FAM124B: variants seen among roughly 807,000 people sequenced by gnomAD.
FAM124B encodes the protein family with sequence similarity 124 member B.
A neutral mutation model predicts 19.7 loss-of-function variants in FAM124B; 18 were observed. The ratio of observed to expected loss-of-function variants is 0.92; its 90% CI spans 0.63 to 1.36. The LOEUF (loss-of-function observed/expected upper bound fraction) is 1.36, where lower values mean the gene tolerates loss of function less well. Among genes scored for constraint, FAM124B ranks in the 40% most tolerant of loss-of-function variants. The pLI, the probability that FAM124B is intolerant of heterozygous loss-of-function variation, is 0.00. For missense variants in FAM124B, 540 were observed against 553.3 expected (o/e 0.98, Z 0.24); for synonymous variants, 223 against 225.2 (o/e 0.99, Z 0.09).
At chr2:224,397,754 C>T (rs1689996861) in intron 1 of FAM124B, among the ~76,000 whole-genome samples, 1 of 152,172 alleles carries the variant, frequency 6.6e-6, no homozygotes, top group African/African-American at 2.4e-5. Context: ...TGCCCCTGCC[C>T]TAGAGATTTG....
At chr2:224,400,933 G>T in intron 1 of FAM124B, 104 bp downstream of exon 1, 2 of 1,410,476 alleles carry the variant, frequency 1.4e-6, no homozygotes, top group African/African-American at 1.4e-5. Flanking sequence ...CCTAAGGGAC[G>T]CTAATATGCA....
At chr2:224,390,699 T>TTG (rs1430582521) in intron 1 of FAM124B, among the ~76,000 whole-genome samples, 1 of 126,170 alleles carries the variant, frequency 7.9e-6, no homozygotes, top group Non-Finnish European at 1.7e-5. Flanking sequence ...CAAACTTTTT[T>TTG]TTTTGTTTGT....
chr2:224,398,850 C>T (rs1314889607), intron 1 of FAM124B, among the ~76,000 whole-genome samples: 2 of 152,154 alleles, frequency 1.3e-5, no homozygotes, highest in African/African-American at 2.4e-5. Context: ...TTGGCAGGCA[C>T]CTGTAGTCTC....
intron 1 of FAM124B, among the ~76,000 whole-genome samples, chr2:224,387,971 T>C (rs569250771): frequency 4.8e-4 from 73 of 152,342 alleles, no homozygotes; most frequent in Middle Eastern, 3.4e-3. Flanking sequence ...TGCTTGCTTA[T>C]GCCAAACCAG....
intron 1 of FAM124B, among the ~76,000 whole-genome samples, chr2:224,395,002 A>G (rs1193612677): frequency 6.6e-6 from 1 of 152,244 alleles, no homozygotes; most frequent in Non-Finnish European, 1.5e-5. Context: ...CCACAGGGCC[A>G]TGAAATATAG....
chr2:224,401,095 G>C lies in FAM124B; in HGVS notation c.674C>G (p.Pro225Arg). Residue 225 changes from proline to arginine, a missense_variant, in exon 1 of 2, where the codon CCT (proline) becomes CGT (arginine). By Grantham distance (103) the Pro-to-Arg change is moderately radical. Coordinates refer to ENST00000409685, the MANE Select transcript of FAM124B (RefSeq NM_001122779.2). ...AGTCTGCCACCTGGTGCTGCTGATA[G>C]GCATGCATGGATTGGGTAGCAGAGG... ...LVPLLPNPCM[P>R]ISSTRWQTQD... 6.2e-7 allele frequency: 1 copy of C among 1,613,972 alleles called. No individual in the cohort carries two copies. The highest frequency in any genetic ancestry group is 1.1e-5 in the South Asian group (1 of 91,058).
Position 224,401,043 on chromosome 2 carries a change from C to A in FAM124B, c.726G>T (p.Leu242=), listed in dbSNP as rs758625841. 3.2e-5 allele frequency: 51 copies of A among 1,592,788 alleles called. No individual in the cohort carries two copies. The highest frequency in any genetic ancestry group is 4.3e-5 in the Non-Finnish European group (50 of 1,168,026). ...QTQDYDGNKI[L]LQVQLNPELG... Reference sequence around the variant, plus strand: ...TGAGACAAAACAGAAATACCTGAAGCAGAATCTTGTTGCCATCGTAGTCCT... The same window carrying A: ...TGAGACAAAACAGAAATACCTGAAGAAGAATCTTGTTGCCATCGTAGTCCT... The change falls in exon 1 of 2, where the codon CTG becomes CTT. Residue 242 remains leucine (L), a synonymous_variant. Coordinates refer to ENST00000409685, the MANE Select transcript of FAM124B (RefSeq NM_001122779.2).
Position 224,401,409 on chromosome 2 carries a change from G to A in FAM124B, c.360C>T (p.Asp120=). 6.2e-7 allele frequency: 1 copy of A among 1,614,128 alleles called. No homozygotes were observed. The change falls in exon 1 of 2, where the codon GAC becomes GAT. Residue 120 remains aspartate, a synonymous_variant. Coordinates refer to ENST00000409685, the MANE Select transcript of FAM124B (RefSeq NM_001122779.2). ...FFANQEFYSL[D]SQLPIWGVRQ... is the part of the protein sequence containing the mutation. ...TCACCCCCCAGATGGGCAGCTGACT[G>A]TCCAGGCTGTAGAACTCCTGATTGG...
intron 1 of FAM124B, among the ~76,000 whole-genome samples, chr2:224,386,390 G>C (rs568522419): frequency 6.6e-6 from 1 of 152,232 alleles, no homozygotes; most frequent in African/African-American, 2.4e-5. Flanking sequence ...TCTGATTTAG[G>C]TGTCACTAAA....
intron 1 of FAM124B, among the ~76,000 whole-genome samples, chr2:224,394,840 G>T (rs549141161): frequency 6.6e-6 from 1 of 152,192 alleles, no homozygotes; most frequent in African/African-American, 2.4e-5. Context: ...ACACAAGGTG[G>T]GTGGCTGCAG....
At chr2:224,383,535 T>G (rs1689757480) in intron 1 of FAM124B, among the ~76,000 whole-genome samples, 1 of 152,118 alleles carries the variant, frequency 6.6e-6, no homozygotes, top group African/African-American at 2.4e-5. Context: ...TAAAAAAGTC[T>G]TACTATAAAA....
At position 224,401,997 on chromosome 2, in the gene FAM124B, C is replaced by T. The variant is rs1690084262; in HGVS notation, c.-229G>A. ...TCGGGTTCAGCAGCCTCCCTCTCCA[C>T]ACAGCAGCAGCGGGGTCACGTCATC... On this transcript the variant is annotated 5_prime_UTR_variant, in exon 1 of 2. In the 5' UTR this introduces an upstream ATG that the reference lacks. Coordinates refer to ENST00000409685, the MANE Select transcript of FAM124B (RefSeq NM_001122779.2). 1.9e-6 allele frequency: 1 copy of T among 537,250 alleles called. No individual in the cohort carries two copies. The highest frequency in any genetic ancestry group is 3.1e-5 in the Admixed American group (1 of 32,094). 33.3% of individuals were successfully genotyped at this position (537,250 alleles called of 1,614,324 possible). A position where few individuals can be genotyped will look rare whatever the true frequency, so the allele number is the denominator to read the frequency against.
At chr2:224,388,001 T>C (rs2106081024) in intron 1 of FAM124B, among the ~76,000 whole-genome samples, 1 of 152,360 alleles carries the variant, frequency 6.6e-6, no homozygotes, top group Non-Finnish European at 1.5e-5. Flanking sequence ...ATACCTTCTT[T>C]AAGAGATAAT....
chr2:224,379,565 A>C lies in FAM124B; in HGVS notation c.*8T>G. The stretch of plus-strand genomic sequence containing the variant: ...TCTTGTGTTTTAGAAAACCACATTT[A>C]TTTTATGCTATATAAAGAATTCTTC... On this transcript the variant is annotated 3_prime_UTR_variant, in exon 2 of 2. Transcript: ENST00000409685. 6.6e-7 allele frequency: 1 copy of C among 1,517,566 alleles called. No homozygotes were observed. The allele number at this position is 1,517,566 out of a possible 1,614,324, so 94.0% of individuals were successfully genotyped here. A position where few individuals can be genotyped will look rare whatever the true frequency, so the allele number is the denominator to read the frequency against.
Position 224,379,777 on chromosome 2 carries a change from G to T in FAM124B, c.1164C>A (p.Thr388=). 1 of 1,551,626 alleles carries T rather than the reference G, an allele frequency of 6.4e-7. No individual in the cohort carries two copies. Among genetic ancestry groups the T allele is most frequent in the Non-Finnish European group, 8.7e-7 (1 of 1,146,990 alleles). ...CTGGCAAGCAGAATGGTGGCTGGCT[G>T]GTCTGTAAATCCCTTGGAAATCCGC... is the stretch of plus-strand genomic sequence containing the variant. ...YFGGFPRDLQ[T]SQPPFCLPAS... The change falls in exon 2 of 2, where the codon ACC becomes ACA. Residue 388 remains threonine, a synonymous_variant. Transcript: ENST00000409685.
intron 1 of FAM124B, among the ~76,000 whole-genome samples, chr2:224,389,183 C>G (rs999545672): frequency 6.6e-6 from 1 of 152,170 alleles, no homozygotes; most frequent in Non-Finnish European, 1.5e-5. Flanking sequence ...CCGCCTGCCT[C>G]GGCCTCCCAA....
intron 1 of FAM124B, among the ~76,000 whole-genome samples, chr2:224,385,398 T>C (rs1298829466): frequency 1.3e-5 from 2 of 152,236 alleles, no homozygotes; most frequent in East Asian, 1.9e-4. Flanking sequence ...TCCGTTTCCA[T>C]TGAGGGAGCC....
chr2:224,380,331 T>C, intron 1 of FAM124B, 123 bp from the exon 2 acceptor site: 3 of 827,906 alleles, frequency 3.6e-6, no homozygotes, highest in South Asian at 1.9e-5. Flanking sequence ...GTAAATTTGG[T>C]TGAATTGAAT....
intron 1 of FAM124B, chr2:224,400,233 A>G (rs1391906838): frequency 2.3e-6 from 1 of 431,654 alleles, no homozygotes; most frequent in Non-Finnish European, 4.1e-6. Context: ...CTTTGTGCAC[A>G]TGTACCCCAG....
Sources: allele counts gnomAD v4.1 joint callset (sites outside exome capture counted in the v4.1 genomes callset), GRCh38; gene constraint gnomAD v4.1.1; transcripts MANE v1.5; gene names NCBI Gene and HGNC (gene_info 2026-07-23, HGNC 2026-07-21).